The following PINX1 variants were observed in gnomAD, a reference collection of about 807,000 sequenced individuals.
PINX1 encodes PIN2/TERF1-interacting telomerase inhibitor 1.
Under a neutral mutation model 25.4 loss-of-function variants are expected in PINX1, and 34 were observed. The observed-to-expected ratio is 1.34, with a 90% confidence interval of 1.02 to 1.78. The LOEUF is 1.78. Ranked by LOEUF, PINX1 falls within the 40% of genes most tolerant of loss-of-function variation. PINX1 has a pLI of 0.00. For synonymous variants in PINX1, 197 were observed against 147.7 expected (o/e 1.33, Z -2.42); for missense variants, 592 against 404.9 (o/e 1.46, Z -3.97).
At chr8:10,775,286 G>A (rs1801352348) in intron 6 of PINX1, among the ~76,000 whole-genome samples, 1 of 152,148 alleles carries the variant, frequency 6.6e-6, no homozygotes. Flanking sequence ...AGCAAGACCT[G>A]CCTCGCTGGC....
Position 10,819,985 on chromosome 8 carries a change from C to G in PINX1, c.471+208G>C, listed in dbSNP as rs73662634. ...AACAAAAGCCAAACACCAGAAAACA[C>G]TTATTCTTTTTTTTAAAGATTCCTT... is the stretch of plus-strand genomic sequence containing the variant. On this transcript the variant is annotated intron_variant, in intron 6 of 6. Coordinates refer to ENST00000314787, the MANE Select transcript of PINX1 (RefSeq NM_017884.6). Among the ~76,000 whole-genome samples, 1,282 of 152,262 alleles carry G rather than the reference C, an allele frequency of 8.4e-3. 30 individuals are homozygous for G. The highest frequency in any genetic ancestry group is 0.029 in the African/African-American group (1,214 of 41,550).
At chr8:10,771,010 C>G (rs71516595) in intron 6 of PINX1, among the ~76,000 whole-genome samples, 11,035 of 152,200 alleles carry the variant, frequency 0.073, 529 homozygotes, top group African/African-American at 0.14. Flanking sequence ...ATGGCTATTG[C>G]CTGTGATGAA....
intron 2 of PINX1, 138 bp downstream of exon 2, chr8:10,834,528 A>C: frequency 7.8e-7 from 1 of 1,286,782 alleles, no homozygotes; most frequent in Non-Finnish European, 1.0e-6. Flanking sequence ...ATAAGGTCAC[A>C]ACAATTTTTG....
Position 10,772,054 on chromosome 8 carries a change from G to C in PINX1, c.472-6138C>G, listed in dbSNP as rs188887183. Among the ~76,000 whole-genome samples the C allele has an allele frequency of 4.2e-3, 645 of 152,342 alleles. 3 individuals carry two copies. Among genetic ancestry groups the C allele is most frequent in the African/African-American group, 0.015 (608 of 41,558 alleles). On this transcript the variant is annotated intron_variant, in intron 6 of 6. Coordinates refer to ENST00000314787, the MANE Select transcript of PINX1 (RefSeq NM_017884.6). ...AAAAGCAAGGTACTGTGTGGTATGG[G>C]AACTGCCACGTTCTTTTTGTGGGAT...
chr8:10,775,425 T>TTTTTTTTTTTTTTTTTTTTTTTTTTTG (rs1563203289), intron 6 of PINX1, among the ~76,000 whole-genome samples: 3 of 140,592 alleles, frequency 2.1e-5, no homozygotes, highest in African/African-American at 7.8e-5. Flanking sequence ...TTTTTTTTTT[T>TTTTTTTTTTTTTTTTTTTTTTTTTTTG]TTTTTTTTTT....
At chr8:10,804,091 TGTC>T (rs1454126267) in intron 6 of PINX1, among the ~76,000 whole-genome samples, 1 of 152,172 alleles carries the variant, frequency 6.6e-6, no homozygotes, top group Non-Finnish European at 1.5e-5. Flanking sequence ...CCATGGCCTC[TGTC>T]ATATGGGCAG....
At chr8:10,773,403 T>G (rs775735500) in intron 6 of PINX1, among the ~76,000 whole-genome samples, 1 of 152,110 alleles carries the variant, frequency 6.6e-6, no homozygotes, top group South Asian at 2.1e-4. Context: ...AAAGAAAAAA[T>G]TTGTTTAAAA....
chr8:10,787,379 C>T (rs1563209917), intron 6 of PINX1: 1 of 164,602 alleles, frequency 6.1e-6, no homozygotes, highest in African/African-American at 2.4e-5. Context: ...AGTGCATGGA[C>T]CACCACACTC....
intron 5 of PINX1, among the ~76,000 whole-genome samples, chr8:10,823,629 C>G (rs539581744): frequency 6.6e-6 from 1 of 152,064 alleles, no homozygotes; most frequent in African/African-American, 2.4e-5. Context: ...GAATTATAAA[C>G]TCAGGACCAG....
At chr8:10,822,617 G>A (rs911253705) in intron 5 of PINX1, among the ~76,000 whole-genome samples, 7 of 152,152 alleles carry the variant, frequency 4.6e-5, no homozygotes, top group African/African-American at 1.7e-4. Flanking sequence ...GTAGCTACTG[G>A]GAAGGGAGGA....
chr8:10,782,106 A>G (rs1252540556), intron 6 of PINX1, among the ~76,000 whole-genome samples: 1 of 152,256 alleles, frequency 6.6e-6, no homozygotes, highest in Non-Finnish European at 1.5e-5. Flanking sequence ...AAAACATTGC[A>G]TGATCTCACT....
chr8:10,836,077 C>T (rs950441300), intron 1 of PINX1, among the ~76,000 whole-genome samples: 2 of 152,094 alleles, frequency 1.3e-5, no homozygotes, highest in African/African-American at 4.8e-5. Context: ...ATCAACACAA[C>T]CCCTCCTACC....
At chr8:10,792,500 C>T (rs1172428054) in intron 6 of PINX1, among the ~76,000 whole-genome samples, 1 of 152,074 alleles carries the variant, frequency 6.6e-6, no homozygotes, top group Non-Finnish European at 1.5e-5. Context: ...GACTGTGCCT[C>T]TTCTTCACAG....
chr8:10,830,610 G>A (rs536291354), intron 4 of PINX1, among the ~76,000 whole-genome samples: 234 of 152,270 alleles, frequency 1.5e-3, no homozygotes, highest in Non-Finnish European at 2.8e-3. Context: ...AAACAAGAAT[G>A]TTTATAAAAA....
rs970697137 is a variant in PINX1 at position 10,782,669 on chromosome 8, G to A, written c.472-16753C>T. Among the ~76,000 whole-genome samples the A allele has an allele frequency of 2.6e-5, 4 of 152,304 alleles. No individual in the cohort carries two copies. The South Asian group carries it at 8.3e-4, about 32-fold the overall frequency. On this transcript the variant is annotated intron_variant, in intron 6 of 6. Transcript: ENST00000314787. ...CAGGATCACTTGAATCCAGGAGGCG[G>A]AGGTTGCAGTGAGCCGAGATGGTGC...
chr8:10,825,392 T>C, intron 5 of PINX1: 1 of 534,840 alleles, frequency 1.9e-6, no homozygotes, highest in South Asian at 1.4e-5. Flanking sequence ...AGCAGCATCA[T>C]CACGCTTCTT....
chr8:10,828,421 G>A (rs1324941842), intron 4 of PINX1, among the ~76,000 whole-genome samples: 1 of 152,138 alleles, frequency 6.6e-6, no homozygotes, highest in East Asian at 1.9e-4. Flanking sequence ...CCTTCCCACA[G>A]CCACTCCATA....
chr8:10,817,464 G>C (rs1413232980), intron 6 of PINX1, among the ~76,000 whole-genome samples: 1 of 152,160 alleles, frequency 6.6e-6, no homozygotes, highest in Non-Finnish European at 1.5e-5. Context: ...GAAGGTACCG[G>C]TATACCTCAA....
intron 6 of PINX1, among the ~76,000 whole-genome samples, chr8:10,806,775 A>G (rs190798952): frequency 6.6e-6 from 1 of 152,204 alleles, no homozygotes; most frequent in Non-Finnish European, 1.5e-5. Context: ...AGCGGAGGGC[A>G]GGGGAGGCGC....
Sources: gnomAD v4.1 joint callset for allele counts (sites outside exome capture counted in the v4.1 genomes callset) on GRCh38, gnomAD v4.1.1 for gene constraint, MANE v1.5 for transcripts, NCBI Gene and HGNC (gene_info 2026-07-23, HGNC 2026-07-21) for gene names.